Variants in KIF13B observed in about 807,000 individuals in gnomAD.
KIF13B encodes kinesin family member 13B, also known as kinesin-like protein KIF13B.
KIF13B carries 127 observed loss-of-function variants against 222.0 expected under a neutral mutation model. The observed-to-expected ratio is 0.57, with a 90% CI of 0.50 to 0.66. The LOEUF (loss-of-function observed/expected upper bound fraction) is 0.66, where lower values mean the gene tolerates loss of function less well. Among genes scored for constraint, KIF13B ranks in the 30% least tolerant of loss-of-function variants. KIF13B has a pLI of 0.00. For missense variants in KIF13B, 2,173 were observed against 2,379.0 expected (o/e 0.91, Z 1.80); for synonymous variants, 976 against 919.0 (o/e 1.06, Z -1.12).
chr8:29,163,006 GT>G (rs1193907117), intron 12 of KIF13B, among the ~76,000 whole-genome samples: 1 of 152,178 alleles, frequency 6.6e-6, no homozygotes, highest in African/African-American at 2.4e-5. Flanking sequence ...ACAAAAGCAA[GT>G]GGCAGACCAG....
At position 29,069,862 on chromosome 8, in the gene KIF13B, C is replaced by G. The variant is rs1807171363; in HGVS notation, c.*642G>C. ...TCCACAGAGAAACCGCTAAGAAACC[C>G]TGGCAGAGGAGGGATGGGGGGGCTC... is the stretch of plus-strand genomic sequence containing the variant. On this transcript the variant is annotated 3_prime_UTR_variant, in exon 40 of 40. Transcript: ENST00000524189. 1 of 152,364 alleles carries G rather than the reference C, an allele frequency of 6.6e-6. No individual in the cohort carries two copies. Among genetic ancestry groups the G allele is most frequent in the Admixed American group, 6.5e-5 (1 of 15,292 alleles). The allele number at this position is 152,364 out of a possible 1,614,324, so 9.4% of individuals were successfully genotyped here.
At chr8:29,260,811 T>A (rs1816653210) in intron 1 of KIF13B, among the ~76,000 whole-genome samples, 1 of 152,022 alleles carries the variant, frequency 6.6e-6, no homozygotes, top group Admixed American at 6.6e-5. Flanking sequence ...AGAGACAGGG[T>A]TTTGCCATGT....
chr8:29,209,885 C>A (rs76664062), intron 2 of KIF13B, among the ~76,000 whole-genome samples: 587 of 107,048 alleles, frequency 5.5e-3, no homozygotes, highest in African/African-American at 8.4e-3. Context: ...TACCTCTCCA[C>A]AAAAAAAAAA....
At chr8:29,118,356 A>T (rs1809700623) in intron 30 of KIF13B, among the ~76,000 whole-genome samples, 1 of 150,866 alleles carries the variant, frequency 6.6e-6, no homozygotes, top group South Asian at 2.1e-4. Context: ...TTAGCCAGGC[A>T]TGGTGGCGCA....
intron 2 of KIF13B, among the ~76,000 whole-genome samples, chr8:29,226,273 G>A (rs1815021015): frequency 6.6e-6 from 1 of 152,182 alleles, no homozygotes; most frequent in South Asian, 2.1e-4. Flanking sequence ...TGGCATGAAA[G>A]TAACTAGGGT....
chr8:29,093,362 A>G (rs1808384982), intron 36 of KIF13B, among the ~76,000 whole-genome samples: 1 of 152,218 alleles, frequency 6.6e-6, no homozygotes, highest in South Asian at 2.1e-4. Context: ...GGTAAAGGGT[A>G]GTGTTTGAGT....
chr8:29,238,843 C>T (rs1324688892), intron 2 of KIF13B, among the ~76,000 whole-genome samples: 1 of 152,092 alleles, frequency 6.6e-6, no homozygotes, highest in Non-Finnish European at 1.5e-5. Flanking sequence ...GTTCTGGTCT[C>T]AAAACCTTAC....
chr8:29,251,466 C>T (rs965982054), intron 1 of KIF13B, among the ~76,000 whole-genome samples: 8 of 152,260 alleles, frequency 5.3e-5, no homozygotes, highest in Non-Finnish European at 7.3e-5. Flanking sequence ...GAAATTCTGA[C>T]GCATCATATC....
At chr8:29,249,916 G>T in intron 1 of KIF13B, 1 of 619,956 alleles carries the variant, frequency 1.6e-6, no homozygotes, top group Non-Finnish European at 2.6e-6. Context: ...ATCTGCTCTA[G>T]ACTATCACAG....
intron 35 of KIF13B, among the ~76,000 whole-genome samples, chr8:29,106,738 G>C (rs1036367942): frequency 1.3e-5 from 2 of 150,734 alleles, no homozygotes; most frequent in African/African-American, 4.9e-5. Context: ...CAAAAGCACA[G>C]TGTAGAATAA....
At position 29,127,569 on chromosome 8, in the gene KIF13B, ATAAT is replaced by A. The variant is rs530292964; in HGVS notation, c.3076-305_3076-302del. On this transcript the variant is annotated intron_variant, in intron 24 of 39. Transcript: ENST00000524189. ...GCCAATAAAAAAGTTCAACTTACTG[ATAAT>A]TAAATAAATACAAATTAAATTAAAG... Among the ~76,000 whole-genome samples the A allele has an allele frequency of 2.5e-3, 379 of 152,358 alleles. 3 individuals carry two copies. The highest frequency in any genetic ancestry group is 0.011 in the South Asian group (53 of 4,834).
chr8:29,075,204 G>A, intron 38 of KIF13B, 77 bp downstream of exon 38: 1 of 1,114,994 alleles, frequency 9.0e-7, no homozygotes, highest in African/African-American at 1.5e-5. Flanking sequence ...AACTGTGGGT[G>A]TGGACTCAAC....
At chr8:29,243,604 C>T (rs546647334) in intron 2 of KIF13B, among the ~76,000 whole-genome samples, 34 of 149,552 alleles carry the variant, frequency 2.3e-4, no homozygotes, top group Non-Finnish European at 3.8e-4. Context: ...TGGAGTGAGC[C>T]GAGATGGCAC....
Position 29,117,307 on chromosome 8 carries a change from C to T in KIF13B, c.3661-300G>A, listed in dbSNP as rs944087146. Among the ~76,000 whole-genome samples, 7 of 152,130 alleles carry T rather than the reference C, an allele frequency of 4.6e-5. No homozygotes were observed. In the South Asian group the frequency reaches 6.2e-4, roughly 14 times the overall value. On this transcript the variant is annotated intron_variant, in intron 30 of 39. Coordinates refer to ENST00000524189, the MANE Select transcript of KIF13B (RefSeq NM_015254.4). ...CGAGTGATTTGTACCCCTTTCATCC[C>T]GACGCACCAACTGCTACCATTTGGC...
At chr8:29,262,875 T>A in intron 1 of KIF13B, 105 bp downstream of exon 1, 1 of 882,268 alleles carries the variant, frequency 1.1e-6, no homozygotes, top group Non-Finnish European at 1.6e-6. Context: ...GCCCCGCCGC[T>A]GACTATAGGG....
rs1174784751 is a variant in KIF13B, at chr8:29,118,951, C to G, written c.3577G>C (p.Ala1193Pro). The change falls in exon 30 of 40, where the codon GCT becomes CCT. Residue 1193 changes from alanine to proline, a missense_variant. Around this residue, in one of 2 missense-constraint regions of KIF13B, gnomAD observed 1,480 missense variants for 1,722.8 expected, o/e 0.86. Transcript: ENST00000524189. ...SSQDNLDDPE[A>P]GGWDATLTGE... ...GTCAAGGTCGCATCCCATCCACCAG[C>G]TTCTGGGTCATCAAGATTATCCTGA... is the stretch of plus-strand genomic sequence containing the variant. The G allele has an allele frequency of 5.6e-6, 9 of 1,613,802 alleles. No homozygotes were observed. Among genetic ancestry groups the G allele is most frequent in the Non-Finnish European group, 7.6e-6 (9 of 1,179,830 alleles).
At chr8:29,095,491 G>A (rs1808480246) in intron 36 of KIF13B, among the ~76,000 whole-genome samples, 1 of 152,240 alleles carries the variant, frequency 6.6e-6, no homozygotes, top group Non-Finnish European at 1.5e-5. Flanking sequence ...ACTAGGCTGG[G>A]TGCGGTGGCT....
At chr8:29,122,668 G>C (rs751807285) in intron 28 of KIF13B, 22 bp from the exon 29 acceptor site, 2 of 1,593,628 alleles carry the variant, frequency 1.3e-6, no homozygotes, top group African/African-American at 2.7e-5. Flanking sequence ...AGAACAAATG[G>C]CATCTGCCTC....
chr8:29,123,516 C>G (rs1287497580), intron 27 of KIF13B, 24 bp from the exon 28 acceptor site: 6 of 1,612,560 alleles, frequency 3.7e-6, no homozygotes, highest in Non-Finnish European at 5.1e-6. Flanking sequence ...AATGAGGATT[C>G]AATGACAAAA....
Sources: gnomAD v4.1 joint callset for allele counts (sites outside exome capture counted in the v4.1 genomes callset) on GRCh38, gnomAD v4.1.1 for gene constraint, gnomAD v4.1.1 regional missense constraint, MANE v1.5 for transcripts, NCBI Gene and HGNC (gene_info 2026-07-23, HGNC 2026-07-21) for gene names.